The following CACNA1C variants were observed in gnomAD, a reference collection of about 807,000 sequenced individuals.
The protein encoded by CACNA1C is voltage-dependent L-type calcium channel subunit alpha-1C.
A neutral mutation model predicts 229.0 loss-of-function variants in CACNA1C; 30 were observed. That is an observed-to-expected ratio of 0.13 (90% confidence interval 0.10 to 0.18). CACNA1C has a LOEUF of 0.18. CACNA1C is among the 10% of genes least tolerant of loss of function. CACNA1C has a pLI of 1.00. For synonymous variants in CACNA1C, 1,114 were observed against 1,132.5 expected (o/e 0.98, Z 0.33); for missense variants, 1,658 against 2,845.0 (o/e 0.58, Z 9.49).
chr12:2,534,702 A>G (rs2099849073), intron 9 of CACNA1C, among the ~76,000 whole-genome samples: 1 of 152,138 alleles, frequency 6.6e-6, no homozygotes, highest in Non-Finnish European at 1.5e-5. Context: ...TGTTTCATCC[A>G]TTAGGGCACG....
intron 15 of CACNA1C, 119 bp from the exon 16 acceptor site, chr12:2,584,384 T>C: frequency 1.5e-6 from 1 of 673,064 alleles, no homozygotes; most frequent in South Asian, 1.7e-5. Flanking sequence ...TCAAATTGCT[T>C]CCCCCTCAAG....
intron 10 of CACNA1C, among the ~76,000 whole-genome samples, chr12:2,553,553 C>T (rs990826268): frequency 1.3e-5 from 2 of 152,184 alleles, no homozygotes; most frequent in African/African-American, 2.4e-5. Flanking sequence ...GCACTGATGC[C>T]ACGGTGGAGA....
At chr12:2,179,567 C>T (rs755242480) in intron 3 of CACNA1C, among the ~76,000 whole-genome samples, 1 of 152,080 alleles carries the variant, frequency 6.6e-6, no homozygotes, top group African/African-American at 2.4e-5. Flanking sequence ...ACCCCTATTG[C>T]GTTAGAAAAT....
Position 2,677,345 on chromosome 12 carries a change from G to A in CACNA1C, c.4956+124G>A. The A allele has an allele frequency of 9.3e-7, 1 of 1,079,360 alleles. No individual in the cohort carries two copies. Among genetic ancestry groups the A allele is most frequent in the South Asian group, 1.7e-5 (1 of 60,590 alleles). 66.9% of individuals were successfully genotyped at this position (1,079,360 alleles called of 1,614,324 possible). The stretch of plus-strand genomic sequence containing the variant: ...AGGTCCCTGCAGAGGGAACCTTTCA[G>A]AGAGCTCCAGACCTTTCCAAAGATG... On this transcript the variant is annotated intron_variant, in intron 40 of 46. Coordinates refer to ENST00000399655, the MANE Select transcript of CACNA1C (RefSeq NM_000719.7). This position sits in a 1 kb window ranked among gnomAD's most constrained non-coding sequence, Gnocchi z 7.4.
At chr12:1,975,858 C>G (rs2154460837) in intron 1 of CACNA1C, among the ~76,000 whole-genome samples, 1 of 152,254 alleles carries the variant, frequency 6.6e-6, no homozygotes, top group South Asian at 2.1e-4. Context: ...TGAAGGTTCT[C>G]TCCGTGAGTC....
chr12:2,574,550 G>C (rs1415821072), intron 13 of CACNA1C, among the ~76,000 whole-genome samples: 1 of 152,198 alleles, frequency 6.6e-6, no homozygotes, highest in Non-Finnish European at 1.5e-5. Context: ...AATGGGAGCT[G>C]GGGCTGATTC....
intron 3 of CACNA1C, among the ~76,000 whole-genome samples, chr12:2,193,648 C>T (rs2097310011): frequency 6.6e-6 from 1 of 152,218 alleles, no homozygotes; most frequent in Admixed American, 6.5e-5. Context: ...CCTGGTATCA[C>T]AGTGCTAGAC....
intron 9 of CACNA1C, among the ~76,000 whole-genome samples, chr12:2,515,667 G>C (rs200346462): frequency 6.6e-6 from 1 of 152,146 alleles, no homozygotes; most frequent in East Asian, 1.9e-4. Context: ...GGGAGGTGGG[G>C]CTGAGTGCAG....
At chr12:2,414,460 G>C (rs1438267059) in intron 3 of CACNA1C, among the ~76,000 whole-genome samples, 1 of 152,144 alleles carries the variant, frequency 6.6e-6, no homozygotes, top group Admixed American at 6.5e-5. Flanking sequence ...GTGCTTAGTG[G>C]GAACAGAAGG....
rs12310914 is a variant in CACNA1C, at chr12:2,483,139, G to A, written c.758-2965G>A. Among the ~76,000 whole-genome samples, 803 of 152,332 alleles carry A rather than the reference G, an allele frequency of 5.3e-3. 7 individuals are homozygous for A. Among genetic ancestry groups the A allele is most frequent in the African/African-American group, 0.018 (738 of 41,574 alleles). ...GGAGCTCTCAGCGAGGCAGGGAATGGCTTTCCAGGCAGGGGAGCCGCGTGC... is the reference window on the plus strand; with the variant it reads ...GGAGCTCTCAGCGAGGCAGGGAATGACTTTCCAGGCAGGGGAGCCGCGTGC... On this transcript the variant is annotated intron_variant, in intron 5 of 46. Coordinates refer to ENST00000399655, the MANE Select transcript of CACNA1C (RefSeq NM_000719.7).
At chr12:2,069,930 G>A (rs1232869844) in intron 1 of CACNA1C, among the ~76,000 whole-genome samples, 2 of 152,122 alleles carry the variant, frequency 1.3e-5, no homozygotes, top group Non-Finnish European at 2.9e-5. Flanking sequence ...CAATCCTCCT[G>A]AGTAGCTGGG....
At chr12:2,254,283 C>T (rs1001931504) in intron 3 of CACNA1C, among the ~76,000 whole-genome samples, 10 of 152,082 alleles carry the variant, frequency 6.6e-5, no homozygotes, top group African/African-American at 1.9e-4. Flanking sequence ...GAGCCTCAAA[C>T]GACCCCAGAC....
At chr12:2,557,269 C>G (rs1019642389) in intron 11 of CACNA1C, among the ~76,000 whole-genome samples, 1 of 152,148 alleles carries the variant, frequency 6.6e-6, no homozygotes, top group Admixed American at 6.6e-5. Flanking sequence ...AAGATGAAGT[C>G]CAGTTAAAAG....
At position 2,036,616 on chromosome 12, in the gene CACNA1C, C is replaced by T. The variant is rs541998394; in HGVS notation, c.139+65415C>T. Among the ~76,000 whole-genome samples the T allele has an allele frequency of 9.2e-5, 14 of 152,296 alleles. No individual in the cohort carries two copies. The South Asian group carries it at 1.5e-3, about 16-fold the overall frequency. ...CAGTAGCTGCGATTACAGGCATGCG[C>T]CACCACGCCCGGCTAATTTTTGTCT... On this transcript the variant is annotated intron_variant, in intron 1 of 46. Coordinates refer to the CACNA1C transcript ENST00000682462.
intron 44 of CACNA1C, 48 bp downstream of exon 44, chr12:2,685,890 G>A: frequency 2.3e-6 from 3 of 1,332,044 alleles, no homozygotes; most frequent in Non-Finnish European, 3.2e-6. Flanking sequence ...TTACTCCCTA[G>A]AGAACACTGG....
At chr12:2,307,643 A>G (rs2095146532) in intron 3 of CACNA1C, among the ~76,000 whole-genome samples, 1 of 152,204 alleles carries the variant, frequency 6.6e-6, no homozygotes, top group Admixed American at 6.5e-5. Flanking sequence ...AAGTTGCTTC[A>G]TCTTTTGAGG....
At chr12:2,450,290 C>A (rs981568245) in intron 4 of CACNA1C, among the ~76,000 whole-genome samples, 1 of 152,122 alleles carries the variant, frequency 6.6e-6, no homozygotes, top group African/African-American at 2.4e-5. Flanking sequence ...CGCGGTGGCT[C>A]ACACCTGTAA....
chr12:2,231,874 T>G (rs955582393), intron 3 of CACNA1C, among the ~76,000 whole-genome samples: 1 of 152,230 alleles, frequency 6.6e-6, no homozygotes, highest in African/African-American at 2.4e-5. Context: ...TGACAGAATG[T>G]AAATCAGCTG....
chr12:2,272,096 A>G (rs1243135188), intron 3 of CACNA1C, among the ~76,000 whole-genome samples: 1 of 152,108 alleles, frequency 6.6e-6, no homozygotes, highest in Non-Finnish European at 1.5e-5. Context: ...TCTTCCATCG[A>G]GCTATTGCCT....
Sources: gnomAD v4.1 joint callset for allele counts (sites outside exome capture counted in the v4.1 genomes callset) on GRCh38, gnomAD v4.1.1 for gene constraint, Gnocchi (gnomAD v3.1) non-coding constraint, MANE v1.5 for transcripts, NCBI Gene and HGNC (gene_info 2026-07-23, HGNC 2026-07-21) for gene names.